The following PKHD1 variants were observed in gnomAD, a reference collection of about 807,000 sequenced individuals.
PKHD1 encodes fibrocystin.
Under a neutral mutation model 412.0 loss-of-function variants are expected in PKHD1, and 291 were observed. The observed-to-expected ratio is 0.71, with a 90% CI of 0.64 to 0.78. The LOEUF (loss-of-function observed/expected upper bound fraction) is 0.78, where lower values mean the gene tolerates loss of function less well. Among genes scored for constraint, PKHD1 ranks in the 30% least tolerant of loss-of-function variants. The pLI is 0.00. For synonymous variants in PKHD1, 1,777 were observed against 1,821.5 expected, an observed-to-expected ratio of 0.98 and a Z score of 0.62; for missense variants, 4,825 against 4,950.7, an observed-to-expected ratio of 0.97 and a Z score of 0.76.
In PKHD1 at chr6:52,022,853, G is replaced by A. The variant is rs1474433863; in HGVS notation, c.5328C>T (p.Val1776=). Residue 1776 remains valine, a synonymous_variant, in exon 33 of 67, where the codon GTC becomes GTT. Coordinates refer to ENST00000371117, the MANE Select transcript of PKHD1 (RefSeq NM_138694.4). ...SAAVCGAPCR[V]LANATVSAFS... ...AGGCAGACACTGTAGCATTAGCCAG[G>A]ACTCGGCAGGGAGCACCACACACAG... The A allele has an allele frequency of 2.5e-6, 4 of 1,614,106 alleles. No homozygotes were observed. The South Asian group carries it at 4.4e-5, about 18-fold the overall frequency.
chr6:51,749,479 GTAAAATTAATAA>G (rs1213633923), intron 57 of PKHD1, among the ~76,000 whole-genome samples: 4 of 151,970 alleles, frequency 2.6e-5, no homozygotes, highest in Non-Finnish European at 5.9e-5. Context: ...CATACTTTTG[GTAAAATTAATAA>G]TAACATGATT....
intron 60 of PKHD1, among the ~76,000 whole-genome samples, chr6:51,726,261 T>C (rs552619479): frequency 1.3e-5 from 2 of 152,290 alleles, no homozygotes; most frequent in East Asian, 1.9e-4. Flanking sequence ...TCAGGGGCAA[T>C]TGGTGGATGA....
intron 63 of PKHD1, among the ~76,000 whole-genome samples, chr6:51,641,039 C>T (rs1246814175): frequency 6.6e-6 from 1 of 152,042 alleles, no homozygotes; most frequent in African/African-American, 2.4e-5. Flanking sequence ...TTAGATAATC[C>T]ATCCCAAATG....
At chr6:51,680,233 C>T (rs1776461233) in intron 60 of PKHD1, among the ~76,000 whole-genome samples, 1 of 151,886 alleles carries the variant, frequency 6.6e-6, no homozygotes, top group Admixed American at 6.6e-5. Flanking sequence ...CAGCTAATCT[C>T]AGAAATGAAA....
In PKHD1 at chr6:52,025,208, G is replaced by T; in HGVS notation, c.4602C>A (p.Ser1534Arg). ...AGTCTCTTGTCTGGCACACAACGTG[G>T]CTTGCATTAAAAAAAGTTACATTGC... ...LPCNVTFFNA[S>R]HVVCQTRDLA... is the part of the protein sequence containing the mutation. The change falls in exon 32 of 67, where the codon AGC (serine) becomes AGA (arginine). Residue 1534 changes from serine (S) to arginine (R), a missense_variant. Ser to Arg is a moderately radical substitution (Grantham distance 110). Transcript: ENST00000371117. 6.2e-7 allele frequency: 1 copy of T among 1,614,184 alleles called. No homozygotes were observed. Among genetic ancestry groups the T allele is most frequent in the Non-Finnish European group, 8.5e-7 (1 of 1,180,024 alleles).
At chr6:51,827,139 G>A (rs948022021) in intron 52 of PKHD1, among the ~76,000 whole-genome samples, 11 of 151,990 alleles carry the variant, frequency 7.2e-5, no homozygotes, top group Middle Eastern at 3.2e-3. Context: ...TGTAAAAATG[G>A]GTTTTTACTG....
intron 36 of PKHD1, among the ~76,000 whole-genome samples, chr6:51,957,506 G>A (rs1048199430): frequency 6.6e-6 from 1 of 152,060 alleles, no homozygotes; most frequent in East Asian, 1.9e-4. Context: ...AAAATAAGAG[G>A]CAATTTAAGA....
chr6:51,642,412 T>TG (rs769790946), intron 63 of PKHD1, among the ~76,000 whole-genome samples: 27 of 152,128 alleles, frequency 1.8e-4, no homozygotes, highest in Non-Finnish European at 3.4e-4. Context: ...ATGAGTAAGG[T>TG]ACAGACTATG....
chr6:51,769,892 T>A (rs1789775040), intron 55 of PKHD1, among the ~76,000 whole-genome samples: 1 of 151,664 alleles, frequency 6.6e-6, no homozygotes, highest in African/African-American at 2.4e-5. Context: ...TTCTTGGATA[T>A]AAAAGTTATT....
intron 37 of PKHD1, among the ~76,000 whole-genome samples, chr6:51,914,304 A>G (rs755937287): frequency 6.6e-6 from 1 of 152,280 alleles, no homozygotes; most frequent in East Asian, 1.9e-4. Context: ...ACTATTAACA[A>G]AAAAGTTACA....
chr6:52,041,852 G>C (rs1307491841), intron 27 of PKHD1, among the ~76,000 whole-genome samples: 1 of 152,112 alleles, frequency 6.6e-6, no homozygotes, highest in Non-Finnish European at 1.5e-5. Flanking sequence ...TGGGAAAGTT[G>C]GCCAACCTAC....
intron 60 of PKHD1, among the ~76,000 whole-genome samples, chr6:51,719,352 A>G (rs1781639161): frequency 6.6e-6 from 1 of 152,082 alleles, no homozygotes; most frequent in South Asian, 2.1e-4. Context: ...TTATGGTCAA[A>G]AAGGAAATCA....
chr6:51,828,369 G>T (rs770878584), intron 52 of PKHD1, among the ~76,000 whole-genome samples: 8 of 151,592 alleles, frequency 5.3e-5, no homozygotes, highest in Non-Finnish European at 1.0e-4. Flanking sequence ...GAGTGGTAGT[G>T]AGAATTATAT....
At chr6:51,714,567 G>A (rs558436616) in intron 60 of PKHD1, among the ~76,000 whole-genome samples, 16 of 152,094 alleles carry the variant, frequency 1.1e-4, no homozygotes, top group East Asian at 3.9e-4. Context: ...GCCACTTACC[G>A]TATATGGCTA....
intron 52 of PKHD1, among the ~76,000 whole-genome samples, chr6:51,805,705 A>G (rs542501519): frequency 6.6e-6 from 1 of 152,256 alleles, no homozygotes; most frequent in South Asian, 2.1e-4. Context: ...TAAGCCACTA[A>G]GGGGAAATGA....
chr6:51,834,331 G>A (rs1016411927), intron 51 of PKHD1, among the ~76,000 whole-genome samples: 3 of 152,088 alleles, frequency 2.0e-5, no homozygotes, highest in Non-Finnish European at 2.9e-5. Context: ...CAAAGAAAGC[G>A]ACAAAAACTT....
At chr6:52,006,937 C>T (rs1219972675) in intron 35 of PKHD1, among the ~76,000 whole-genome samples, 1 of 152,134 alleles carries the variant, frequency 6.6e-6, no homozygotes, top group Admixed American at 6.5e-5. Flanking sequence ...TAAGAACATA[C>T]GATATTTGGT....
At chr6:51,980,621 C>T (rs1795014043) in intron 35 of PKHD1, among the ~76,000 whole-genome samples, 1 of 152,174 alleles carries the variant, frequency 6.6e-6, no homozygotes, top group South Asian at 2.1e-4. Flanking sequence ...TACAATGAGA[C>T]AGGCTTGTTT....
At position 52,053,093 on chromosome 6, in the gene PKHD1, G is replaced by T; in HGVS notation, c.2123C>A (p.Ala708Glu). The T allele has an allele frequency of 6.2e-7, 1 of 1,614,044 alleles. No individual in the cohort carries two copies. The highest frequency in any genetic ancestry group is 8.5e-7 in the Non-Finnish European group (1 of 1,179,920). The stretch of plus-strand genomic sequence containing the variant: ...ATGATTACCTGTTACGTTTGTGTCT[G>T]CAATAATAATTTCATCCACATAGAA... ...GLFYVDEIII[A>E]DTNVTVSQAD... Residue 708 changes from alanine to glutamate, a missense_variant, in exon 21 of 67, where the codon GCA (alanine) becomes GAA (glutamate). Physicochemically the swap from Ala to Glu is moderately radical, Grantham distance 107. Transcript: ENST00000371117.
Sources: gnomAD v4.1 joint callset for allele counts (sites outside exome capture counted in the v4.1 genomes callset) on GRCh38, gnomAD v4.1.1 for gene constraint, MANE v1.5 for transcripts, NCBI Gene and HGNC (gene_info 2026-07-23, HGNC 2026-07-21) for gene names.